The following SLC25A37 variants were observed in gnomAD, a reference collection of about 807,000 sequenced individuals.
SLC25A37 encodes the protein mitoferrin-1.
A neutral mutation model predicts 31.0 loss-of-function variants in SLC25A37; 17 were observed. The observed-to-expected ratio is 0.55, with a 90% CI of 0.38 to 0.82. The LOEUF (loss-of-function observed/expected upper bound fraction) is 0.82, where lower values mean the gene tolerates loss of function less well. SLC25A37 is among the 40% of genes least tolerant of loss of function. The pLI is 0.00. For synonymous variants in SLC25A37, 222 were observed against 193.0 expected, an observed-to-expected ratio of 1.15 and a Z score of -1.24; for missense variants, 404 against 465.8, an observed-to-expected ratio of 0.87 and a Z score of 1.22.
Position 23,572,116 on chromosome 8 carries a change from G to A in SLC25A37, c.*261G>A. The A allele has an allele frequency of 2.9e-6, 1 of 340,374 alleles. No homozygotes were observed. The allele number at this position is 340,374 out of a possible 1,614,324, so 21.1% of individuals were successfully genotyped here. On this transcript the variant is annotated 3_prime_UTR_variant, in exon 4 of 4. Transcript: ENST00000519973. ...TTTTCTCTTCCTCCCTGGGCAGAAT[G>A]TAGCTTTTCTGCTTCACTGTGGCAG...
intron 3 of SLC25A37, among the ~76,000 whole-genome samples, chr8:23,570,241 G>T (rs1364194260): frequency 2.0e-5 from 3 of 152,176 alleles, no homozygotes; most frequent in African/African-American, 7.2e-5. Context: ...ACAAAGTAGA[G>T]AGCTGAGAAA....
Position 23,574,618 on chromosome 8 carries a change from A to G in SLC25A37, c.*2763A>G. Reference sequence around the variant, plus strand: ...AGAAAAGCCTTGAAAGTTGTGAAGCACTGAGCAGATACAAGTGTTTGTTAA... The same window carrying G: ...AGAAAAGCCTTGAAAGTTGTGAAGCGCTGAGCAGATACAAGTGTTTGTTAA... On this transcript the variant is annotated 3_prime_UTR_variant, in exon 4 of 4. Coordinates refer to ENST00000519973, the MANE Select transcript of SLC25A37 (RefSeq NM_016612.4). 1.3e-5 allele frequency: 2 copies of G among 155,010 alleles called. No homozygotes were observed. The highest frequency in any genetic ancestry group is 1.0e-3 in the Middle Eastern group (2 of 1,928). 9.6% of individuals were successfully genotyped at this position (155,010 alleles called of 1,614,324 possible). A position where few individuals can be genotyped will look rare whatever the true frequency, so the allele number is the denominator to read the frequency against.
rs1252929503 is a variant in SLC25A37, at chr8:23,569,386, A to G, written c.496+1008A>G. Among the ~76,000 whole-genome samples the G allele has an allele frequency of 2.3e-5, 3 of 131,180 alleles. No homozygotes were observed. The Admixed American group carries it at 2.3e-4, about 10-fold the overall frequency. 86.1% of individuals were successfully genotyped at this position (131,180 alleles called of 152,430 possible). A position where few individuals can be genotyped will look rare whatever the true frequency, so the allele number is the denominator to read the frequency against. ...CTGTTGCATGCTTTTGCACTATTCTAAAACCTATGTGTGCATACACACACA... is the reference window on the plus strand; with the variant it reads ...CTGTTGCATGCTTTTGCACTATTCTGAAACCTATGTGTGCATACACACACA... On this transcript the variant is annotated intron_variant, in intron 3 of 3. Transcript: ENST00000519973.
At chr8:23,537,584 A>G (rs1264529544) in intron 1 of SLC25A37, among the ~76,000 whole-genome samples, 1 of 152,194 alleles carries the variant, frequency 6.6e-6, no homozygotes, top group Admixed American at 6.5e-5. Context: ...TCTCATCGGA[A>G]ATAGAGAAGA....
In SLC25A37 at chr8:23,573,689, T is replaced by C. The variant is rs770880586; in HGVS notation, c.*1834T>C. 4 of 426,656 alleles carry C rather than the reference T, an allele frequency of 9.4e-6. No homozygotes were observed. Among genetic ancestry groups the C allele is most frequent in the Non-Finnish European group, 1.9e-5 (4 of 206,716 alleles). The allele number at this position is 426,656 out of a possible 1,614,324, so 26.4% of individuals were successfully genotyped here. On this transcript the variant is annotated 3_prime_UTR_variant, in exon 4 of 4. Coordinates refer to ENST00000519973, the MANE Select transcript of SLC25A37 (RefSeq NM_016612.4). ...ATTTTATCAGTCAGTGGAGTTCCTTTTTCAGATCAGGGATGGGAAAGAGCC... is the reference window on the plus strand; with the variant it reads ...ATTTTATCAGTCAGTGGAGTTCCTTCTTCAGATCAGGGATGGGAAAGAGCC...
intron 1 of SLC25A37, among the ~76,000 whole-genome samples, chr8:23,553,628 C>CAA (rs1334037058): frequency 1.3e-5 from 2 of 152,164 alleles, no homozygotes; most frequent in Admixed American, 6.5e-5. Flanking sequence ...TCAGCCTTAG[C>CAA]CTTTGAATAC....
At chr8:23,552,957 G>A (rs1802267809) in intron 1 of SLC25A37, among the ~76,000 whole-genome samples, 1 of 152,154 alleles carries the variant, frequency 6.6e-6, no homozygotes, top group South Asian at 2.1e-4. Context: ...GGAGCGGGGC[G>A]GGAGCCTTGT....
intron 1 of SLC25A37, among the ~76,000 whole-genome samples, chr8:23,540,635 G>T (rs1261092040): frequency 3.3e-5 from 5 of 152,212 alleles, no homozygotes; most frequent in Admixed American, 3.3e-4. Context: ...CATTTCAGCA[G>T]TGAGTCGAAG....
In SLC25A37 at chr8:23,574,220, T is replaced by C. The variant is rs1802933580; in HGVS notation, c.*2365T>C. 2.0e-5 allele frequency: 4 copies of C among 202,574 alleles called. No homozygotes were observed. The South Asian group carries it at 2.8e-4, about 14-fold the overall frequency. The allele number at this position is 202,574 out of a possible 1,614,324, so 12.5% of individuals were successfully genotyped here. On this transcript the variant is annotated 3_prime_UTR_variant, in exon 4 of 4. Coordinates refer to ENST00000519973, the MANE Select transcript of SLC25A37 (RefSeq NM_016612.4). ...GGCTCATGCCTGTAATCCCAGCACT[T>C]TGGGGAGGCCGAGGCAGGCGGATCA...
chr8:23,546,556 G>A lies in SLC25A37; in HGVS notation c.210+17344G>A, dbSNP rs1421845736. Among the ~76,000 whole-genome samples, 258 of 42,514 alleles carry A rather than the reference G, an allele frequency of 6.1e-3. 8 individuals are homozygous for A. Among genetic ancestry groups the A allele is most frequent in the East Asian group, 0.053 (50 of 952 alleles). 27.9% of individuals were successfully genotyped at this position (42,514 alleles called of 152,430 possible). On this transcript the variant is annotated intron_variant, in intron 1 of 3. Coordinates refer to ENST00000519973, the MANE Select transcript of SLC25A37 (RefSeq NM_016612.4). ...GTATATATATATATATATATATAGTGTATATATATATATATATATATATAT... is the reference window on the plus strand; with the variant it reads ...GTATATATATATATATATATATAGTATATATATATATATATATATATATAT...
Position 23,571,872 on chromosome 8 carries a change from A to C in SLC25A37, c.*17A>C. ...CCATACTAAAGGAAGGGATCATAGA[A>C]TCTTTTCTTAAAGTCATTCTCTGCC... On this transcript the variant is annotated 3_prime_UTR_variant, in exon 4 of 4. Coordinates refer to ENST00000519973, the MANE Select transcript of SLC25A37 (RefSeq NM_016612.4). 6.2e-7 allele frequency: 1 copy of C among 1,602,036 alleles called. No individual in the cohort carries two copies. Among genetic ancestry groups the C allele is most frequent in the South Asian group, 1.1e-5 (1 of 90,734 alleles).
In SLC25A37 at chr8:23,538,402, A is replaced by C. The variant is rs1031274260; in HGVS notation, c.210+9190A>C. On this transcript the variant is annotated intron_variant, in intron 1 of 3. Transcript: ENST00000519973. The stretch of plus-strand genomic sequence containing the variant: ...TCTCAAAAAAAAAAAAAAAAAAAAA[A>C]AAAACCAGAAAAAAAAACTTGCCAT... Among the ~76,000 whole-genome samples, 9 of 143,410 alleles carry C rather than the reference A, an allele frequency of 6.3e-5. 1 individual carries two copies. The highest frequency in any genetic ancestry group is 1.3e-4 in the African/African-American group (5 of 38,680). 94.1% of individuals were successfully genotyped at this position (143,410 alleles called of 152,430 possible). A position where few individuals can be genotyped will look rare whatever the true frequency, so the allele number is the denominator to read the frequency against.
chr8:23,538,721 T>G (rs2117391637), intron 1 of SLC25A37, among the ~76,000 whole-genome samples: 1 of 152,282 alleles, frequency 6.6e-6, no homozygotes, highest in Middle Eastern at 3.4e-3. Flanking sequence ...GTAAGCGTGC[T>G]TCCTATAATT....
At position 23,571,476 on chromosome 8, in the gene SLC25A37, C is replaced by G. The variant is rs754488748; in HGVS notation, c.638C>G (p.Ser213Cys). The G allele has an allele frequency of 1.5e-5, 25 of 1,613,902 alleles. No individual in the cohort carries two copies. The highest frequency in any genetic ancestry group is 8.0e-5 in the African/African-American group (6 of 74,926). Residue 213 changes from serine (S) to cysteine (C), a missense_variant, in exon 4 of 4, where the codon TCC becomes TGC. Coordinates refer to ENST00000519973, the MANE Select transcript of SLC25A37 (RefSeq NM_016612.4). ...CTGACCATGAACATCCCCTTCCAGT[C>G]CATCCACTTCATCACCTATGAGTTC... is the stretch of plus-strand genomic sequence containing the variant. ...TQLTMNIPFQSIHFITYEFLQ... is the reference protein window; with the variant it reads ...TQLTMNIPFQCIHFITYEFLQ...
chr8:23,542,504 A>C (rs1039578394), intron 1 of SLC25A37, among the ~76,000 whole-genome samples: 2 of 149,092 alleles, frequency 1.3e-5, no homozygotes, highest in African/African-American at 5.0e-5. Context: ...TCAGCTTCCC[A>C]GAGTAGCTGA....
rs112501265 is a variant in SLC25A37 at position 23,543,937 on chromosome 8, C to T, written c.210+14725C>T. ...ATGCAGTGGCAGAATCTCGGCTCAC[C>T]GCAACCTCTGCCTACCGGGTTCAAG... is the stretch of plus-strand genomic sequence containing the variant. On this transcript the variant is annotated intron_variant, in intron 1 of 3. Coordinates refer to ENST00000519973, the MANE Select transcript of SLC25A37 (RefSeq NM_016612.4). Among the ~76,000 whole-genome samples, 1,307 of 152,098 alleles carry T rather than the reference C, an allele frequency of 8.6e-3. 26 individuals carry two copies. The highest frequency in any genetic ancestry group is 0.03 in the African/African-American group (1,247 of 41,482).
rs1326585346 is a variant in SLC25A37, at chr8:23,529,849, G to A, written c.210+637G>A. Reference sequence around the variant, plus strand: ...GCACTTCTTCCCCCGACTTTGGGTCGCCGAGCCGCCGGGAGGCAATGACGT... The same window carrying A: ...GCACTTCTTCCCCCGACTTTGGGTCACCGAGCCGCCGGGAGGCAATGACGT... On this transcript the variant is annotated intron_variant, in intron 1 of 3. Coordinates refer to ENST00000519973, the MANE Select transcript of SLC25A37 (RefSeq NM_016612.4). This position sits in a 1 kb window ranked among gnomAD's most constrained non-coding sequence, Gnocchi z 4.1. Among the ~76,000 whole-genome samples the A allele has an allele frequency of 6.6e-6, 1 of 152,090 alleles. No individual in the cohort carries two copies. The highest frequency in any genetic ancestry group is 1.5e-5 in the Non-Finnish European group (1 of 68,040).
chr8:23,568,504 AG>A, intron 3 of SLC25A37, 126 bp downstream of exon 3: 1 of 1,043,340 alleles, frequency 9.6e-7, no homozygotes. Context: ...CAGAGCAGAC[AG>A]GAGAATTGAA....
chr8:23,570,285 T>C (rs1465584807), intron 3 of SLC25A37, among the ~76,000 whole-genome samples: 5 of 152,144 alleles, frequency 3.3e-5, no homozygotes, highest in Non-Finnish European at 7.3e-5. Context: ...TTGTACACAT[T>C]ATCTTTCTCA....
Sources: allele counts gnomAD v4.1 joint callset (sites outside exome capture counted in the v4.1 genomes callset), GRCh38; gene constraint gnomAD v4.1.1; non-coding constraint Gnocchi (gnomAD v3.1); transcripts MANE v1.5; gene names NCBI Gene and HGNC (gene_info 2026-07-23, HGNC 2026-07-21).